The following RAB11FIP4 variants were observed in gnomAD, a reference collection of about 807,000 sequenced individuals.
RAB11FIP4 encodes the protein RAB11 family interacting protein 4.
A neutral mutation model predicts 74.3 loss-of-function variants in RAB11FIP4; 23 were observed. The ratio of observed to expected loss-of-function variants is 0.31; its 90% CI spans 0.22 to 0.44. RAB11FIP4 has a LOEUF of 0.44. Among genes scored for constraint, RAB11FIP4 ranks in the 20% least tolerant of loss-of-function variants. RAB11FIP4 has a pLI of 1.00. For missense variants in RAB11FIP4, 630 were observed against 863.9 expected (o/e 0.73, Z 3.39); for synonymous variants, 360 against 359.9 (o/e 1.00, Z 0.00).
intron 1 of RAB11FIP4, among the ~76,000 whole-genome samples, chr17:31,428,420 T>C (rs577680775): frequency 1.9e-4 from 29 of 152,330 alleles, no homozygotes; most frequent in Non-Finnish European, 8.8e-5. Flanking sequence ...AGCAGTTTCC[T>C]GCATGCTGTG....
intron 1 of RAB11FIP4, among the ~76,000 whole-genome samples, chr17:31,430,782 A>G (rs1466829551): frequency 3.3e-5 from 5 of 152,166 alleles, no homozygotes; most frequent in Non-Finnish European, 7.4e-5. Context: ...GGCTATGACC[A>G]GGTGGGGCTC....
intron 3 of RAB11FIP4, among the ~76,000 whole-genome samples, chr17:31,458,658 A>G (rs78160450): frequency 0.018 from 2,696 of 152,216 alleles, 82 homozygotes; most frequent in African/African-American, 0.062. Context: ...GGTCTTCAAA[A>G]TGCTCATGTG....
Position 31,535,884 on chromosome 17 carries a change from G to A in RAB11FIP4, c.*4152G>A, listed in dbSNP as rs540905758. 2.0e-5 allele frequency: 3 copies of A among 152,368 alleles called. No homozygotes were observed. The East Asian group carries it at 5.8e-4, about 29-fold the overall frequency. 9.4% of individuals were successfully genotyped at this position (152,368 alleles called of 1,614,324 possible). ...ACCTATTTGCATAGCTGAGCAGGAGGACATACTGTCTTTGTGGGTTTTGCT... is the reference window on the plus strand; with the variant it reads ...ACCTATTTGCATAGCTGAGCAGGAGAACATACTGTCTTTGTGGGTTTTGCT... On this transcript the variant is annotated 3_prime_UTR_variant, in exon 15 of 15. Coordinates refer to ENST00000621161, the MANE Select transcript of RAB11FIP4 (RefSeq NM_032932.6).
At chr17:31,475,025 A>G (rs144519595) in intron 3 of RAB11FIP4, among the ~76,000 whole-genome samples, 1 of 152,252 alleles carries the variant, frequency 6.6e-6, no homozygotes, top group African/African-American at 2.4e-5. Context: ...CCAGGGGCAT[A>G]ATGTGGTGAG....
At chr17:31,413,275 C>G (rs1441843613) in intron 1 of RAB11FIP4, among the ~76,000 whole-genome samples, 2 of 152,118 alleles carry the variant, frequency 1.3e-5, no homozygotes, top group Admixed American at 6.5e-5. Flanking sequence ...GCCAGCACCC[C>G]CCTTTGATGA....
In RAB11FIP4 at chr17:31,537,080, T is replaced by G; in HGVS notation, c.*5348T>G. On this transcript the variant is annotated 3_prime_UTR_variant, in exon 15 of 15. Coordinates refer to ENST00000621161, the MANE Select transcript of RAB11FIP4 (RefSeq NM_032932.6). Reference sequence around the variant, plus strand: ...CTGCCTCCTGCTGGGGCCCATCCGCTTTGCTGTGCTGCACAGGCTGTTTTC... The same window carrying G: ...CTGCCTCCTGCTGGGGCCCATCCGCGTTGCTGTGCTGCACAGGCTGTTTTC... The G allele has an allele frequency of 2.5e-6, 1 of 399,524 alleles. No homozygotes were observed. 24.7% of individuals were successfully genotyped at this position (399,524 alleles called of 1,614,324 possible). A position where few individuals can be genotyped will look rare whatever the true frequency, so the allele number is the denominator to read the frequency against.
At chr17:31,477,996 C>CTT (rs35308777) in intron 3 of RAB11FIP4, among the ~76,000 whole-genome samples, 1,539 of 132,560 alleles carry the variant, frequency 0.012, 47 homozygotes, top group African/African-American at 0.031. Flanking sequence ...GCTGTTAATA[C>CTT]TTTTTTTTTT....
At chr17:31,446,374 C>T (rs564463033) in intron 3 of RAB11FIP4, among the ~76,000 whole-genome samples, 1 of 152,146 alleles carries the variant, frequency 6.6e-6, no homozygotes, top group East Asian at 1.9e-4. Context: ...TGTGTGTGTG[C>T]GGCCGAGCGT....
intron 1 of RAB11FIP4, among the ~76,000 whole-genome samples, chr17:31,394,562 T>A (rs941879694): frequency 6.6e-6 from 1 of 152,190 alleles, no homozygotes; most frequent in African/African-American, 2.4e-5. Context: ...TTCGGGCCTG[T>A]TGTCTGTCAG....
chr17:31,527,832 C>A lies in RAB11FIP4; in HGVS notation c.1275-10C>A. The A allele has an allele frequency of 6.3e-7, 1 of 1,598,362 alleles. No individual in the cohort carries two copies. The highest frequency in any genetic ancestry group is 8.5e-7 in the Non-Finnish European group (1 of 1,172,524). On this transcript the variant is annotated splice_polypyrimidine_tract_variant and intron_variant, in intron 10 of 14. Coordinates refer to ENST00000621161, the MANE Select transcript of RAB11FIP4 (RefSeq NM_032932.6). Reference sequence around the variant, plus strand: ...CAGGTTTCTGAGATTTGTCTTTCTCCTTTCGCCAGGGTGCAGCAGTTGGAG... The same window carrying A: ...CAGGTTTCTGAGATTTGTCTTTCTCATTTCGCCAGGGTGCAGCAGTTGGAG...
intron 3 of RAB11FIP4, among the ~76,000 whole-genome samples, chr17:31,441,816 C>T (rs2142686269): frequency 2.0e-5 from 3 of 152,246 alleles, no homozygotes; most frequent in Middle Eastern, 6.8e-3. Context: ...GTGTGAGCCA[C>T]CATGCCTGGC....
At chr17:31,446,776 C>A (rs1438445354) in intron 3 of RAB11FIP4, among the ~76,000 whole-genome samples, 4 of 152,096 alleles carry the variant, frequency 2.6e-5, no homozygotes, top group Non-Finnish European at 5.9e-5. Context: ...TGCTGGGACA[C>A]CAGGGGGCAT....
chr17:31,529,669 G>A (rs1280902015), intron 13 of RAB11FIP4, among the ~76,000 whole-genome samples: 1 of 152,192 alleles, frequency 6.6e-6, no homozygotes, highest in Non-Finnish European at 1.5e-5. Flanking sequence ...TGAAGTGTCA[G>A]CTCTGCCTGA....
At chr17:31,528,377 C>T in intron 11 of RAB11FIP4, 29 bp from the exon 12 acceptor site, 1 of 1,605,868 alleles carries the variant, frequency 6.2e-7, no homozygotes, top group South Asian at 1.1e-5. Context: ...TGGGAACTCT[C>T]CTCCCCTGAT....
At chr17:31,510,490 G>T (rs1262504570) in intron 3 of RAB11FIP4, among the ~76,000 whole-genome samples, 1 of 152,234 alleles carries the variant, frequency 6.6e-6, no homozygotes, top group Non-Finnish European at 1.5e-5. Flanking sequence ...GCTGTTCTTT[G>T]GCTCTGAGTT....
At position 31,476,788 on chromosome 17, in the gene RAB11FIP4, G is replaced by A. The variant is rs968985714; in HGVS notation, c.337-40863G>A. Among the ~76,000 whole-genome samples the A allele has an allele frequency of 2.1e-4, 32 of 152,228 alleles. 1 individual carries two copies. The highest frequency in any genetic ancestry group is 1.9e-4 in the East Asian group (1 of 5,196). On this transcript the variant is annotated intron_variant, in intron 3 of 14. Transcript: ENST00000621161. ...GGGCTGCAGCCACAGAGCTGTTGCTGGGCCGTGGTTTTCCCCTAAGTGGGT... is the reference window on the plus strand; with the variant it reads ...GGGCTGCAGCCACAGAGCTGTTGCTAGGCCGTGGTTTTCCCCTAAGTGGGT...
rs185996526 is a variant in RAB11FIP4, at chr17:31,458,806, G to A, written c.336+24684G>A. On this transcript the variant is annotated intron_variant, in intron 3 of 14. Coordinates refer to ENST00000621161, the MANE Select transcript of RAB11FIP4 (RefSeq NM_032932.6). Reference sequence around the variant, plus strand: ...GTGGGTCACCCAGGGTGTGAAACACGTTTGGGGCGAAGCTGCCACTTCCTC... The same window carrying A: ...GTGGGTCACCCAGGGTGTGAAACACATTTGGGGCGAAGCTGCCACTTCCTC... Among the ~76,000 whole-genome samples the A allele has an allele frequency of 1.5e-3, 233 of 152,326 alleles. 2 individuals are homozygous for A. Among genetic ancestry groups the A allele is most frequent in the African/African-American group, 5.2e-3 (218 of 41,570 alleles).
rs756215590 is a variant in RAB11FIP4, at chr17:31,521,351, T to C, written c.749T>C (p.Val250Ala). 2.5e-6 allele frequency: 4 copies of C among 1,603,154 alleles called. No homozygotes were observed. The highest frequency in any genetic ancestry group is 1.7e-4 in the Middle Eastern group (1 of 6,012). ...GTCTACTCGGACCTGGGGTCTTCGGTGTCTTCCAGGTGGCCCCTTGGTCTG... is the reference window on the plus strand; with the variant it reads ...GTCTACTCGGACCTGGGGTCTTCGGCGTCTTCCAGGTGGCCCCTTGGTCTG... ...TNVYSDLGSS[V>A]SSSAGQTPRK... Residue 250 changes from valine to alanine, a missense_variant, in exon 5 of 15, where the codon GTG (valine) becomes GCG (alanine). Physicochemically the swap from Val to Ala is moderately conservative, Grantham distance 64. Transcript: ENST00000621161.
chr17:31,528,475 A>C lies in RAB11FIP4; in HGVS notation c.1426A>C (p.Lys476Gln). Residue 476 changes from lysine to glutamine, a missense_variant, in exon 12 of 15, where the codon AAG becomes CAG. Lys to Gln is a moderately conservative substitution (Grantham distance 53). Transcript: ENST00000621161. ...GCTCAAAGATGAGATGGACCTGTAC[A>C]AGCGCATGATGGACAAGCTGCGACA... ...LRLKDEMDLY[K>Q]RMMDKLRQNR... 1 of 1,613,764 alleles carries C rather than the reference A, an allele frequency of 6.2e-7. No homozygotes were observed. Among genetic ancestry groups the C allele is most frequent in the Non-Finnish European group, 8.5e-7 (1 of 1,180,036 alleles).
Sources: gnomAD v4.1 joint callset for allele counts (sites outside exome capture counted in the v4.1 genomes callset) on GRCh38, gnomAD v4.1.1 for gene constraint, MANE v1.5 for transcripts, NCBI Gene and HGNC (gene_info 2026-07-23, HGNC 2026-07-21) for gene names.